The following L3MBTL1 variants were observed in gnomAD, a reference collection of about 807,000 sequenced individuals.
L3MBTL1 encodes L3MBTL histone methyl-lysine binding protein 1.
Under a neutral mutation model 105.3 loss-of-function variants are expected in L3MBTL1, and 75 were observed. That is an observed-to-expected ratio of 0.71 (90% CI 0.59 to 0.86). L3MBTL1 has a LOEUF of 0.86. Among genes scored for constraint, L3MBTL1 ranks in the 40% least tolerant of loss-of-function variants. L3MBTL1 has a pLI of 0.00. For missense variants in L3MBTL1, 1,069 were observed against 1,126.4 expected, an observed-to-expected ratio of 0.95 and a Z score of 0.73; for synonymous variants, 452 against 436.2, an observed-to-expected ratio of 1.04 and a Z score of -0.45.
intron 1 of L3MBTL1, among the ~76,000 whole-genome samples, chr20:43,508,302 C>A (rs2018039750): frequency 6.6e-6 from 1 of 152,060 alleles, no homozygotes; most frequent in Admixed American, 6.5e-5. Context: ...CCGCCCCGCC[C>A]GCCTTTGCCT....
Position 43,528,690 on chromosome 20 carries a change from A to C in L3MBTL1, c.896A>C (p.Glu299Ala), listed in dbSNP as rs771403075. 1.2e-5 allele frequency: 19 copies of C among 1,614,060 alleles called. No homozygotes were observed. The Admixed American group carries it at 3.0e-4, about 25-fold the overall frequency. ...TGEKKECWSW[E>A]SYLEEQKAIT... ...GAGAAGAAGGAATGCTGGTCGTGGG[A>C]GTCCTACCTAGAGGAGCAGAAGGCC... Residue 299 changes from glutamate (E) to alanine (A), a missense_variant, in exon 8 of 22, where the codon GAG becomes GCG. By Grantham distance (107) the Glu-to-Ala change is moderately radical. Coordinates refer to ENST00000418998, the MANE Select transcript of L3MBTL1 (RefSeq NM_001377303.1).
downstream of L3MBTL1, among the ~76,000 whole-genome samples, chr20:43,546,880 T>A (rs6065620): frequency 0.77 from 117,536 of 152,060 alleles, 45,643 homozygotes; most frequent in East Asian, 0.91. Flanking sequence ...GACTTTCTTT[T>A]CATAACCACA....
At chr20:43,548,342 C>A in exon 19 of L3MBTL1, 1 of 1,064,340 alleles carries the variant, frequency 9.4e-7, no homozygotes, top group Admixed American at 2.5e-5. Context: ...CCACACGTCC[C>A]CATGCTCCAC....
Position 43,514,618 on chromosome 20 carries a change from A to G in L3MBTL1, c.361-17A>G. Reference sequence around the variant, plus strand: ...CCCGTACGGGAGTCGCAATCCTCAGACCCTCCCGCGCTCCAGTTCCGGATA... The same window carrying G: ...CCCGTACGGGAGTCGCAATCCTCAGGCCCTCCCGCGCTCCAGTTCCGGATA... On this transcript the variant is annotated splice_polypyrimidine_tract_variant and intron_variant, in intron 3 of 21. Transcript: ENST00000418998. The G allele has an allele frequency of 1.9e-6, 3 of 1,597,822 alleles. No homozygotes were observed. Among genetic ancestry groups the G allele is most frequent in the Non-Finnish European group, 2.6e-6 (3 of 1,172,068 alleles).
Position 43,513,621 on chromosome 20 carries a change from A to G in L3MBTL1, c.118A>G (p.Thr40Ala). ...CGGTTCTGGTCCTCACCTGCCCGCAACTGCCTTCATCATTCCAGGTGAGTC... is the reference window on the plus strand; with the variant it reads ...CGGTTCTGGTCCTCACCTGCCCGCAGCTGCCTTCATCATTCCAGGTGAGTC... ...SPGSGPHLPA[T>A]AFIIPASSAT... is the part of the protein sequence containing the mutation. Residue 40 changes from threonine (T) to alanine (A), a missense_variant, in exon 2 of 22, where the codon ACT (threonine) becomes GCT (alanine). Thr to Ala is a moderately conservative substitution (Grantham distance 58, BLOSUM62 0). Transcript: ENST00000418998. 8 of 1,550,634 alleles carry G rather than the reference A, an allele frequency of 5.2e-6. No homozygotes were observed. The highest frequency in any genetic ancestry group is 5.2e-6 in the Non-Finnish European group (6 of 1,147,000).
intron 7 of L3MBTL1, among the ~76,000 whole-genome samples, chr20:43,518,574 TTC>T (rs2018526269): frequency 2.6e-5 from 4 of 152,126 alleles, no homozygotes. Context: ...TCTGACTGTG[TTC>T]ACAGTTATAG....
At chr20:43,548,339 T>G (rs758140245) in exon 19 of L3MBTL1, 30 of 1,081,712 alleles carry the variant, frequency 2.8e-5, no homozygotes, top group South Asian at 1.7e-4. Context: ...ACCCCACACG[T>G]CCCCATGCTC....
At chr20:43,530,159 T>C in intron 9 of L3MBTL1, 125 bp from the exon 10 acceptor site, 2 of 1,136,970 alleles carry the variant, frequency 1.8e-6, no homozygotes, top group Non-Finnish European at 2.6e-6. Context: ...GAAAGAAAGG[T>C]GGGGTTGGGG....
Position 43,530,378 on chromosome 20 carries a change from G to T in L3MBTL1, c.1151G>T (p.Gly384Val). The T allele has an allele frequency of 3.1e-6, 5 of 1,614,170 alleles. No homozygotes were observed. Among genetic ancestry groups the T allele is most frequent in the Non-Finnish European group, 4.2e-6 (5 of 1,180,010 alleles). Reference protein sequence around the residue: ...NANSPDIHPAGWFEKTGHKLQ... With the variant: ...NANSPDIHPAVWFEKTGHKLQ... ...AACTCCCCTGACATTCACCCTGCTG[G>T]CTGGTTCGAGAAGACGGGCCACAAG... The change falls in exon 10 of 22, where the codon GGC becomes GTC. Residue 384 changes from glycine to valine, a missense_variant. By Grantham distance (109) the Gly-to-Val change is moderately radical. Transcript: ENST00000418998.
At chr20:43,542,417 T>A (rs568652770), downstream of L3MBTL1, among the ~76,000 whole-genome samples, 1 of 152,242 alleles carries the variant, frequency 6.6e-6, no homozygotes, top group African/African-American at 2.4e-5. Flanking sequence ...CGATGGCCTC[T>A]GGCCAACATA....
chr20:43,535,156 G>A (rs2019542501), intron 16 of L3MBTL1, among the ~76,000 whole-genome samples: 1 of 152,092 alleles, frequency 6.6e-6, no homozygotes, highest in African/African-American at 2.4e-5. Flanking sequence ...GGGGTTTGGG[G>A]TGTTGAGGTG....
At chr20:43,535,988 C>T (rs1187854735) in intron 17 of L3MBTL1, 52 bp downstream of exon 17, 7 of 1,585,508 alleles carry the variant, frequency 4.4e-6, no homozygotes, top group Non-Finnish European at 4.3e-6. Context: ...GCACTTACTG[C>T]ATGCAGGCGA....
At chr20:43,521,122 G>A (rs770700239) in intron 7 of L3MBTL1, among the ~76,000 whole-genome samples, 1 of 152,290 alleles carries the variant, frequency 6.6e-6, no homozygotes, top group African/African-American at 2.4e-5. Flanking sequence ...TAAACTTTCA[G>A]TGTCTTAAAA....
intron 1 of L3MBTL1, among the ~76,000 whole-genome samples, chr20:43,512,898 T>C (rs999332488): frequency 6.6e-6 from 1 of 152,254 alleles, no homozygotes; most frequent in African/African-American, 2.4e-5. Context: ...GATGCATACA[T>C]TTGTTCAGCA....
In L3MBTL1 at chr20:43,514,646, C is replaced by T. The variant is rs2018268142; in HGVS notation, c.372C>T (p.Ser124=). Residue 124 remains serine, a synonymous_variant, in exon 4 of 22, where the codon AGC becomes AGT. Coordinates refer to ENST00000418998, the MANE Select transcript of L3MBTL1 (RefSeq NM_001377303.1). ...PPGGGLRFRI[S]EYKPLNMAGV... Reference sequence around the variant, plus strand: ...CTCCCGCGCTCCAGTTCCGGATAAGCGAGTATAAGCCGCTGAACATGGCGG... The same window carrying T: ...CTCCCGCGCTCCAGTTCCGGATAAGTGAGTATAAGCCGCTGAACATGGCGG... 2 of 1,597,744 alleles carry T rather than the reference C, an allele frequency of 1.3e-6. No homozygotes were observed.
At chr20:43,531,700 G>A (rs1454912445) in intron 11 of L3MBTL1, 1 of 151,968 alleles carries the variant, frequency 6.6e-6, no homozygotes, top group Admixed American at 6.6e-5. Flanking sequence ...TCAGCAACAA[G>A]AACGAAACTC....
At chr20:43,549,014 A>G (rs1443001784) in exon 19 of L3MBTL1, 1 of 152,266 alleles carries the variant, frequency 6.6e-6, no homozygotes, top group African/African-American at 2.4e-5. Flanking sequence ...AGCCTGTTTT[A>G]TAGATGGCAG....
intron 11 of L3MBTL1, chr20:43,532,252 C>T (rs1369402333): frequency 6.6e-6 from 1 of 152,588 alleles, no homozygotes; most frequent in African/African-American, 2.4e-5. Flanking sequence ...CGTTGACTAG[C>T]ATTGTGTTCT....
rs1027255342 is a variant in L3MBTL1, at chr20:43,522,768, G to A, written c.863-5889G>A. Among the ~76,000 whole-genome samples, 22 of 146,532 alleles carry A rather than the reference G, an allele frequency of 1.5e-4. No homozygotes were observed. In the East Asian group the frequency reaches 2.9e-3, roughly 19 times the overall value. On this transcript the variant is annotated intron_variant, in intron 7 of 21. Transcript: ENST00000418998. ...ATTACAGGCATGAGCCACTGTGCCC[G>A]GCCAACGGTGTCTTTTTTTTTTTTT...
Sources: allele counts gnomAD v4.1 joint callset (sites outside exome capture counted in the v4.1 genomes callset), GRCh38; gene constraint gnomAD v4.1.1; transcripts MANE v1.5; gene names NCBI Gene and HGNC (gene_info 2026-07-23, HGNC 2026-07-21).